SMC4: variants seen among roughly 807,000 people sequenced by gnomAD.
The protein encoded by SMC4 is structural maintenance of chromosomes protein 4.
SMC4 carries 87 observed loss-of-function variants against 145.6 expected under a neutral mutation model. The ratio of observed to expected loss-of-function variants is 0.60; its 90% CI spans 0.50 to 0.71. SMC4 has a LOEUF of 0.71. Among genes scored for constraint, SMC4 ranks in the 30% least tolerant of loss-of-function variants. The pLI, the probability that SMC4 is intolerant of heterozygous loss-of-function variation, is 0.00. For missense variants in SMC4, 1,447 were observed against 1,537.1 expected (o/e 0.94, Z 0.98); for synonymous variants, 558 against 500.7 (o/e 1.11, Z -1.53).
At chr3:160,432,739 G>T in intron 22 of SMC4, 1 of 523,734 alleles carries the variant, frequency 1.9e-6, no homozygotes, top group Non-Finnish European at 3.3e-6. Flanking sequence ...AAATTTTCAA[G>T]GCATTTTTAA....
chr3:160,404,078 T>C (rs1396999664), intron 4 of SMC4: 1 of 392,566 alleles, frequency 2.5e-6, no homozygotes, highest in South Asian at 3.6e-5. Flanking sequence ...GGAGGTGGGT[T>C]TTTTCGTTGG....
Position 160,420,894 on chromosome 3 carries a change from T to A in SMC4, c.2012T>A (p.Leu671Ter), listed in dbSNP as rs1409211007. 6.2e-7 allele frequency: 1 copy of A among 1,602,710 alleles called. No homozygotes were observed. Among genetic ancestry groups the A allele is most frequent in the Non-Finnish European group, 8.5e-7 (1 of 1,175,492 alleles). Residue 671 changes from leucine (L) to a stop codon, truncating the protein, a stop_gained, in exon 13 of 24, where the codon TTA becomes TAA. Transcript: ENST00000357388. LOFTEE classifies it high-confidence loss of function. ...QNIGVATFIGLDKMAVWAKKM... is the reference protein window; with the variant it reads ...QNIGVATFIG ...ATTGGAGTTGCAACCTTTATAGGTT[T>A]AGATAAGGTGGGTATTCGTAATAAC...
intron 17 of SMC4, among the ~76,000 whole-genome samples, chr3:160,427,878 G>C (rs1039697849): frequency 6.6e-6 from 1 of 152,190 alleles, no homozygotes; most frequent in Admixed American, 6.5e-5. Flanking sequence ...CTTGAGATCA[G>C]GAGTTTGAGA....
chr3:160,420,935 A>ATT (rs759064708), intron 13 of SMC4, 34 bp downstream of exon 13: 329 of 1,248,136 alleles, frequency 2.6e-4, no homozygotes, highest in Admixed American at 5.6e-4. Flanking sequence ...TATAATTGGA[A>ATT]TTTTTTTTTT....
At chr3:160,422,861 C>G (rs569370083) in intron 13 of SMC4, among the ~76,000 whole-genome samples, 2 of 152,278 alleles carry the variant, frequency 1.3e-5, no homozygotes, top group East Asian at 3.9e-4. Flanking sequence ...ACTACTCTTT[C>G]CATGTGGCTA....
At chr3:160,406,718 G>A (rs575695269) in intron 5 of SMC4, among the ~76,000 whole-genome samples, 132 of 152,200 alleles carry the variant, frequency 8.7e-4, no homozygotes, top group African/African-American at 3.2e-3. Flanking sequence ...GTTCCTAAGA[G>A]TAAAATTTTT....
Position 160,430,693 on chromosome 3 carries a change from A to T in SMC4, c.2890A>T (p.Ser964Cys). 1 of 1,613,802 alleles carries T rather than the reference A, an allele frequency of 6.2e-7. No individual in the cohort carries two copies. Among genetic ancestry groups the T allele is most frequent in the Admixed American group, 1.7e-5 (1 of 59,950 alleles). ...EVDDLTAELK[S>C]LEDKAAEVVK... The stretch of plus-strand genomic sequence containing the variant: ...GGATGACCTAACAGCAGAGCTGAAA[A>T]GTCTTGAGGACAAAGCAGCAGAGGT... Residue 964 changes from serine to cysteine, a missense_variant, in exon 19 of 24, where the codon AGT becomes TGT. Physicochemically the swap from Ser to Cys is moderately radical, Grantham distance 112. Coordinates refer to ENST00000357388, the MANE Select transcript of SMC4 (RefSeq NM_001002800.3).
intron 5 of SMC4, among the ~76,000 whole-genome samples, chr3:160,411,402 T>TA (rs1318567912): frequency 6.6e-5 from 10 of 152,208 alleles, no homozygotes; most frequent in African/African-American, 2.4e-4. Flanking sequence ...AAGGAACTCC[T>TA]AAAAACCATG....
At chr3:160,404,735 T>C (rs1275689383) in intron 5 of SMC4, 1 of 664,698 alleles carries the variant, frequency 1.5e-6, no homozygotes, top group Non-Finnish European at 2.9e-6. Context: ...TTGGATGAAC[T>C]GACATACTTG....
chr3:160,433,884 G>T lies in SMC4; in HGVS notation c.*75G>T. The T allele has an allele frequency of 9.0e-7, 1 of 1,112,558 alleles. No homozygotes were observed. The allele number at this position is 1,112,558 out of a possible 1,614,324, so 68.9% of individuals were successfully genotyped here. ...TTCTATTTGTAAAGGATTATGAGTT[G>T]TATAAAATACATACTCCCTAAACTA... On this transcript the variant is annotated 3_prime_UTR_variant, in exon 24 of 24. Coordinates refer to ENST00000357388, the MANE Select transcript of SMC4 (RefSeq NM_001002800.3).
intron 4 of SMC4, 32 bp from the exon 5 acceptor site, chr3:160,404,296 T>C: frequency 1.3e-6 from 2 of 1,579,720 alleles, no homozygotes; most frequent in Non-Finnish European, 8.6e-7. Context: ...ATACCAACAA[T>C]TGTTTTCTGG....
intron 10 of SMC4, 107 bp from the exon 11 acceptor site, chr3:160,417,616 C>A: frequency 1.1e-6 from 1 of 880,180 alleles, no homozygotes; most frequent in Non-Finnish European, 1.8e-6. Flanking sequence ...ATATACTGTG[C>A]TTATAGAATC....
intron 10 of SMC4, among the ~76,000 whole-genome samples, chr3:160,417,027 C>T (rs1716664156): frequency 6.6e-6 from 1 of 152,148 alleles, no homozygotes; most frequent in African/African-American, 2.4e-5. Context: ...GAAGTTGTCA[C>T]ATTGATATGT....
intron 8 of SMC4, 132 bp downstream of exon 8, chr3:160,413,745 GAAA>G: frequency 2.3e-6 from 1 of 442,482 alleles, no homozygotes; most frequent in Non-Finnish European, 3.8e-6. Flanking sequence ...CCCCCTTAGT[GAAA>G]AAAAAAAACT....
At chr3:160,419,938 T>C (rs1414553715) in intron 12 of SMC4, among the ~76,000 whole-genome samples, 1 of 152,064 alleles carries the variant, frequency 6.6e-6, no homozygotes, top group Non-Finnish European at 1.5e-5. Context: ...GACTGTTTTT[T>C]AAAAAATGAA....
At chr3:160,427,470 T>C (rs920506390) in intron 17 of SMC4, among the ~76,000 whole-genome samples, 1 of 152,172 alleles carries the variant, frequency 6.6e-6, no homozygotes, top group Non-Finnish European at 1.5e-5. Context: ...AACAATGGCT[T>C]TGATGGTACC....
intron 13 of SMC4, 145 bp from the exon 14 acceptor site, chr3:160,423,279 TC>T: frequency 1.6e-6 from 1 of 610,128 alleles, no homozygotes; most frequent in Non-Finnish European, 2.8e-6. Context: ...TGAGATGTCT[TC>T]CGTTTAGGTC....
chr3:160,400,892 C>T lies in SMC4; in HGVS notation c.66C>T (p.Ser22=), dbSNP rs753812531. The change falls in exon 2 of 24, where the codon TCC becomes TCT. Residue 22 remains serine (S), a synonymous_variant. Coordinates refer to ENST00000357388, the MANE Select transcript of SMC4 (RefSeq NM_001002800.3). ...GAGAGGAAGGGCCGCCGCCGCCGTCCCCTGACGGCGCCAGCAGCGACGCGG... is the reference window on the plus strand; with the variant it reads ...GAGAGGAAGGGCCGCCGCCGCCGTCTCCTGACGGCGCCAGCAGCGACGCGG... The part of the protein sequence containing the change: ...RRREEGPPPP[S]PDGASSDAEP... The T allele has an allele frequency of 1.3e-6, 2 of 1,508,560 alleles. No homozygotes were observed. The highest frequency in any genetic ancestry group is 1.8e-6 in the Non-Finnish European group (2 of 1,137,658). The allele number at this position is 1,508,560 out of a possible 1,614,324, so 93.4% of individuals were successfully genotyped here.
In SMC4 at chr3:160,400,898, C is replaced by A. The variant is rs895818689; in HGVS notation, c.72C>A (p.Asp24Glu). The A allele has an allele frequency of 1.3e-6, 2 of 1,505,100 alleles. No homozygotes were observed. The highest frequency in any genetic ancestry group is 1.8e-6 in the Non-Finnish European group (2 of 1,135,996). 93.2% of individuals were successfully genotyped at this position (1,505,100 alleles called of 1,614,324 possible). ...AAGGGCCGCCGCCGCCGTCCCCTGA[C>A]GGCGCCAGCAGCGACGCGGAGCCTG... ...REEGPPPPSP[D>E]GASSDAEPEP... Residue 24 changes from aspartate to glutamate, a missense_variant, in exon 2 of 24, where the codon GAC becomes GAA. Physicochemically the swap from Asp to Glu is conservative, Grantham distance 45. Transcript: ENST00000357388.
Sources: allele counts gnomAD v4.1 joint callset (sites outside exome capture counted in the v4.1 genomes callset), GRCh38; gene constraint gnomAD v4.1.1; transcripts MANE v1.5; gene names NCBI Gene and HGNC (gene_info 2026-07-23, HGNC 2026-07-21).